The following FAM110B variants were observed in gnomAD, a reference collection of about 807,000 sequenced individuals.
FAM110B encodes the protein family with sequence similarity 110 member B, also known as protein FAM110B.
A neutral mutation model predicts 20.4 loss-of-function variants in FAM110B; 6 were observed. The observed-to-expected ratio is 0.29, with a 90% CI of 0.16 to 0.58. The LOEUF is 0.58. Among genes scored for constraint, FAM110B ranks in the 20% least tolerant of loss-of-function variants. FAM110B has a pLI of 0.90. For missense variants in FAM110B, 434 were observed against 498.2 expected (o/e 0.87, Z 1.23); for synonymous variants, 226 against 214.1 (o/e 1.06, Z -0.49).
At chr8:58,105,637 C>T (rs1032800703) in intron 3 of FAM110B, among the ~76,000 whole-genome samples, 1 of 130,320 alleles carries the variant, frequency 7.7e-6, no homozygotes, top group Non-Finnish European at 1.5e-5. Context: ...GGTGCGATCT[C>T]GGCTCATTGC....
intron 3 of FAM110B, among the ~76,000 whole-genome samples, chr8:58,115,144 C>T (rs1166892006): frequency 2.0e-5 from 3 of 152,158 alleles, no homozygotes; most frequent in African/African-American, 7.2e-5. Flanking sequence ...TACCCACCCC[C>T]ATGCCCCACC....
chr8:58,028,062 A>G (rs535544127), intron 1 of FAM110B, among the ~76,000 whole-genome samples: 4 of 152,320 alleles, frequency 2.6e-5, no homozygotes, highest in Admixed American at 1.3e-4. Context: ...ATTTCCAACA[A>G]TCATTGTAGG....
At chr8:58,031,449 C>G (rs942761375) in intron 1 of FAM110B, 157 bp from the exon 2 acceptor site, 3 of 152,168 alleles carry the variant, frequency 2.0e-5, no homozygotes, top group Non-Finnish European at 4.4e-5. Context: ...GTTTTAGTTT[C>G]CTGGAGCAGC....
At chr8:58,103,213 GCA>G (rs1164456242) in intron 3 of FAM110B, among the ~76,000 whole-genome samples, 1 of 151,866 alleles carries the variant, frequency 6.6e-6, no homozygotes, top group African/African-American at 2.4e-5. Context: ...GGGTACATGT[GCA>G]CAGTGTGCAG....
At chr8:58,064,804 C>T (rs1427460002) in intron 2 of FAM110B, among the ~76,000 whole-genome samples, 1 of 152,106 alleles carries the variant, frequency 6.6e-6, no homozygotes, top group Admixed American at 6.6e-5. Context: ...AAAAGGTTAC[C>T]AGCTAGAAAG....
chr8:58,022,914 TCGCAGGTG>T (rs2150570122), intron 1 of FAM110B, among the ~76,000 whole-genome samples: 1 of 152,322 alleles, frequency 6.6e-6, no homozygotes, highest in African/African-American at 2.4e-5. Flanking sequence ...AGCCCTGCCC[TCGCAGGTG>T]ATGAACCCCA....
intron 1 of FAM110B, among the ~76,000 whole-genome samples, chr8:58,003,919 G>A (rs1804351895): frequency 6.6e-6 from 1 of 152,102 alleles, no homozygotes; most frequent in Non-Finnish European, 1.5e-5. Context: ...GTCTTTTGAA[G>A]CTTTGAAGCC....
intron 3 of FAM110B, among the ~76,000 whole-genome samples, chr8:58,097,679 G>C (rs1806668734): frequency 6.6e-6 from 1 of 152,172 alleles, no homozygotes. Flanking sequence ...CGTCTTCATG[G>C]ATTTATCTAC....
At chr8:58,080,596 G>A (rs1187543552) in intron 3 of FAM110B, among the ~76,000 whole-genome samples, 11 of 152,172 alleles carry the variant, frequency 7.2e-5, no homozygotes, top group Admixed American at 6.5e-5. Flanking sequence ...GAGATGTGAT[G>A]CTTGCCAGGA....
intron 1 of FAM110B, among the ~76,000 whole-genome samples, chr8:58,000,374 G>A (rs1383926592): frequency 6.6e-6 from 1 of 152,188 alleles, no homozygotes; most frequent in Admixed American, 6.5e-5. Context: ...ACATCTCATT[G>A]TAATGACTTT....
At chr8:58,134,725 A>G (rs1277890299) in intron 3 of FAM110B, among the ~76,000 whole-genome samples, 2 of 152,204 alleles carry the variant, frequency 1.3e-5, no homozygotes, top group South Asian at 2.1e-4. Flanking sequence ...ATCTTTCATT[A>G]TTTTCTTCAA....
intron 1 of FAM110B, among the ~76,000 whole-genome samples, chr8:57,998,860 T>A (rs576589076): frequency 2.1e-4 from 32 of 152,388 alleles, no homozygotes; most frequent in African/African-American, 7.2e-4. Context: ...TGTTTCTGAA[T>A]GATCCTTTTG....
intron 3 of FAM110B, among the ~76,000 whole-genome samples, chr8:58,086,354 A>T (rs2150600523): frequency 6.6e-6 from 1 of 152,370 alleles, no homozygotes; most frequent in Middle Eastern, 3.4e-3. Flanking sequence ...AAGACATTTT[A>T]TGCCAAATCT....
chr8:58,136,393 A>T (rs1218223369), intron 3 of FAM110B, among the ~76,000 whole-genome samples: 1 of 152,102 alleles, frequency 6.6e-6, no homozygotes, highest in South Asian at 2.1e-4. Flanking sequence ...CATTCATTTA[A>T]TATTTGGTCA....
chr8:58,087,822 T>C (rs1233635786), intron 3 of FAM110B, among the ~76,000 whole-genome samples: 2 of 152,232 alleles, frequency 1.3e-5, no homozygotes, highest in Non-Finnish European at 2.9e-5. Context: ...AGATTACTGA[T>C]CCTCAAAGTT....
chr8:58,081,639 G>A (rs191047971), intron 3 of FAM110B, among the ~76,000 whole-genome samples: 82 of 152,188 alleles, frequency 5.4e-4, no homozygotes, highest in African/African-American at 1.6e-3. Context: ...CAAAGTCAGC[G>A]TCTGTTATTC....
chr8:58,107,812 G>A (rs1806958378), intron 3 of FAM110B, among the ~76,000 whole-genome samples: 1 of 152,172 alleles, frequency 6.6e-6, no homozygotes, highest in Admixed American at 6.5e-5. Flanking sequence ...GTGCTCTGAG[G>A]GGCCTCATTC....
chr8:58,067,866 GC>G lies in FAM110B; in HGVS notation c.-413-7663del, dbSNP rs946540172. Among the ~76,000 whole-genome samples the G allele has an allele frequency of 2.1e-4, 32 of 152,072 alleles. 1 individual carries two copies. Among genetic ancestry groups the G allele is most frequent in the Non-Finnish European group, 1.0e-4 (7 of 68,022 alleles). On this transcript the variant is annotated intron_variant, in intron 2 of 3. Transcript: ENST00000519262. The stretch of plus-strand genomic sequence containing the variant: ...CTCATTCCAGAGGTTGTATACATAG[GC>G]CCCCCGCAGCCAAGTGGCAATGAGA...
intron 3 of FAM110B, among the ~76,000 whole-genome samples, chr8:58,102,063 C>T (rs940787501): frequency 9.2e-5 from 14 of 152,224 alleles, no homozygotes; most frequent in African/African-American, 3.4e-4. Context: ...TCCAGACCAT[C>T]ACATCTTACT....
Sources: gnomAD v4.1 joint callset for allele counts (sites outside exome capture counted in the v4.1 genomes callset) on GRCh38, gnomAD v4.1.1 for gene constraint, MANE v1.5 for transcripts, NCBI Gene and HGNC (gene_info 2026-07-23, HGNC 2026-07-21) for gene names.